Variants in SMYD3 observed in about 807,000 individuals in gnomAD.
SMYD3 encodes the protein SET and MYND domain containing 3, also known as histone-lysine N-methyltransferase SMYD3.
A neutral mutation model predicts 57.7 loss-of-function variants in SMYD3; 36 were observed. That is an observed-to-expected ratio of 0.62 (90% confidence interval 0.48 to 0.82). SMYD3 has a LOEUF of 0.82. Among genes scored for constraint, SMYD3 ranks in the 40% least tolerant of loss-of-function variants. SMYD3 has a pLI of 0.00. For synonymous variants in SMYD3, 211 were observed against 195.0 expected (o/e 1.08, Z -0.68); for missense variants, 515 against 538.8 (o/e 0.96, Z 0.44).
chr1:245,788,699 A>G (rs1311233708), intron 10 of SMYD3, among the ~76,000 whole-genome samples: 1 of 152,150 alleles, frequency 6.6e-6, no homozygotes, highest in African/African-American at 2.4e-5. Flanking sequence ...TGGATTCCTG[A>G]GGTCTGCTTC....
chr1:245,841,575 C>G (rs948666991), intron 10 of SMYD3, among the ~76,000 whole-genome samples: 1 of 151,966 alleles, frequency 6.6e-6, no homozygotes, highest in Non-Finnish European at 1.5e-5. Context: ...GACGGAAACA[C>G]AAAATTAAGG....
chr1:246,064,100 T>C (rs2060301376), intron 5 of SMYD3, among the ~76,000 whole-genome samples: 1 of 152,196 alleles, frequency 6.6e-6, no homozygotes, highest in Non-Finnish European at 1.5e-5. Flanking sequence ...GTAACTTCCC[T>C]GTACTCCCTT....
chr1:246,194,750 C>A (rs1483911529), intron 5 of SMYD3, among the ~76,000 whole-genome samples: 1 of 152,204 alleles, frequency 6.6e-6, no homozygotes, highest in African/African-American at 2.4e-5. Context: ...GTGTTTGATA[C>A]ATGAAAACGG....
intron 5 of SMYD3, among the ~76,000 whole-genome samples, chr1:246,282,851 T>C: frequency 6.6e-6 from 1 of 152,340 alleles, no homozygotes; most frequent in East Asian, 1.9e-4. Context: ...TAAATCAACC[T>C]GGTTTGTTGC....
In SMYD3 at chr1:245,954,116, C is replaced by G. The variant is rs112502440; in HGVS notation, c.532-24179G>C. ...CACTGATGTAATTAAATTACAAATGCTCAGCGTCCTAAGGGGTCAACACTG... is the reference window on the plus strand; with the variant it reads ...CACTGATGTAATTAAATTACAAATGGTCAGCGTCCTAAGGGGTCAACACTG... On this transcript the variant is annotated intron_variant, in intron 5 of 11. Coordinates refer to ENST00000490107, the MANE Select transcript of SMYD3 (RefSeq NM_001167740.2). Among the ~76,000 whole-genome samples the G allele has an allele frequency of 4.2e-3, 647 of 152,288 alleles. 9 individuals are homozygous for G. Among genetic ancestry groups the G allele is most frequent in the African/African-American group, 0.014 (602 of 41,554 alleles).
chr1:246,094,112 C>G (rs1219281390), intron 5 of SMYD3, among the ~76,000 whole-genome samples: 1 of 152,098 alleles, frequency 6.6e-6, no homozygotes, highest in African/African-American at 2.4e-5. Context: ...ACTACTCCAG[C>G]CGCTGTCATG....
At chr1:246,005,390 C>A (rs2059151140) in intron 5 of SMYD3, among the ~76,000 whole-genome samples, 1 of 152,244 alleles carries the variant, frequency 6.6e-6, no homozygotes, top group African/African-American at 2.4e-5. Flanking sequence ...GTACTTGGAA[C>A]TGGATTTGAT....
rs554740893 is a variant in SMYD3 at position 245,766,102 on chromosome 1, T to G, written c.1077-1953A>C. The stretch of plus-strand genomic sequence containing the variant: ...AAACCGACAGAAAGTTGGGCATGCC[T>G]CTTTTAAAAAGCTGAAAAGGGGCTG... On this transcript the variant is annotated intron_variant, in intron 10 of 11. Transcript: ENST00000490107. Among the ~76,000 whole-genome samples the G allele has an allele frequency of 2.6e-5, 4 of 152,104 alleles. No homozygotes were observed. In the South Asian group the frequency reaches 8.3e-4, roughly 32 times the overall value.
At chr1:246,298,877 C>G (rs776290876) in intron 5 of SMYD3, among the ~76,000 whole-genome samples, 1 of 151,888 alleles carries the variant, frequency 6.6e-6, no homozygotes, top group Non-Finnish European at 1.5e-5. Context: ...AATCAAATAA[C>G]TAAAAAATGA....
intron 5 of SMYD3, among the ~76,000 whole-genome samples, chr1:245,999,061 A>G (rs183008739): frequency 6.6e-6 from 1 of 152,250 alleles, no homozygotes; most frequent in East Asian, 1.9e-4. Context: ...AAACTTAGAA[A>G]TAGATATGGT....
At chr1:246,225,290 G>T (rs1306810461) in intron 5 of SMYD3, among the ~76,000 whole-genome samples, 1 of 136,118 alleles carries the variant, frequency 7.3e-6, no homozygotes, top group Non-Finnish European at 1.5e-5. Context: ...GCCAAGATAG[G>T]GGTCAGTTAT....
intron 5 of SMYD3, among the ~76,000 whole-genome samples, chr1:246,211,204 T>C (rs1281823910): frequency 1.3e-5 from 2 of 152,168 alleles, no homozygotes; most frequent in Admixed American, 1.3e-4. Context: ...CTTTGGGATT[T>C]GTTTGATGAA....
At chr1:246,426,589 T>C (rs2067222460) in intron 1 of SMYD3, among the ~76,000 whole-genome samples, 1 of 152,222 alleles carries the variant, frequency 6.6e-6, no homozygotes, top group Admixed American at 6.5e-5. Context: ...TTATCATTGA[T>C]TTACTAGGGT....
intron 5 of SMYD3, among the ~76,000 whole-genome samples, chr1:246,159,484 C>G (rs1436582981): frequency 6.6e-6 from 1 of 152,016 alleles, no homozygotes; most frequent in Non-Finnish European, 1.5e-5. Flanking sequence ...TACATCTGCT[C>G]TAAACTGTCC....
chr1:246,139,963 C>T (rs1274394847), intron 5 of SMYD3, among the ~76,000 whole-genome samples: 1 of 152,190 alleles, frequency 6.6e-6, no homozygotes, highest in African/African-American at 2.4e-5. Flanking sequence ...CCATATTTCA[C>T]TCTGCAATGA....
At chr1:245,984,495 T>G (rs1259236764) in intron 5 of SMYD3, among the ~76,000 whole-genome samples, 4 of 152,220 alleles carry the variant, frequency 2.6e-5, no homozygotes, top group African/African-American at 7.2e-5. Context: ...ACTGTTCCTC[T>G]TCATCTAGGA....
intron 5 of SMYD3, among the ~76,000 whole-genome samples, chr1:246,093,012 T>A (rs1189306959): frequency 6.6e-6 from 1 of 150,616 alleles, no homozygotes; most frequent in Non-Finnish European, 1.5e-5. Flanking sequence ...TATGAAAAAA[T>A]TCTCAACATC....
At chr1:245,927,756 T>G (rs1217951417) in intron 7 of SMYD3, among the ~76,000 whole-genome samples, 175 bp downstream of exon 7, 1 of 152,030 alleles carries the variant, frequency 6.6e-6, no homozygotes, top group Non-Finnish European at 1.5e-5. Flanking sequence ...CATTTGTAAT[T>G]TGGGAGAAGA....
At chr1:246,100,404 T>C (rs548169565) in intron 5 of SMYD3, among the ~76,000 whole-genome samples, 1 of 151,882 alleles carries the variant, frequency 6.6e-6, no homozygotes, top group East Asian at 1.9e-4. Context: ...CACTCAGGAG[T>C]CACTCCAAGG....
Sources: allele counts gnomAD v4.1 joint callset (sites outside exome capture counted in the v4.1 genomes callset), GRCh38; gene constraint gnomAD v4.1.1; transcripts MANE v1.5; gene names NCBI Gene and HGNC (gene_info 2026-07-23, HGNC 2026-07-21).